Variants in EMG1 observed in about 807,000 individuals in gnomAD.
The protein encoded by EMG1 is EMG1 N1-specific pseudouridine methyltransferase.
In EMG1, 24 loss-of-function variants were observed where a neutral mutation model predicts 26.9. The ratio of observed to expected loss-of-function variants is 0.89; its 90% CI spans 0.65 to 1.26. The LOEUF is 1.26. Among genes scored for constraint, EMG1 ranks in the 50% most tolerant of loss-of-function variants. The pLI, the probability that EMG1 is intolerant of heterozygous loss-of-function variation, is 0.00. For synonymous variants in EMG1, 140 were observed against 112.6 expected (o/e 1.24, Z -1.54); for missense variants, 299 against 307.6 (o/e 0.97, Z 0.21).
At chr12:6,993,701 A>T (rs1555155766) in intron 7 of EMG1, among the ~76,000 whole-genome samples, 3 of 152,194 alleles carry the variant, frequency 2.0e-5, no homozygotes, top group Non-Finnish European at 4.4e-5. Flanking sequence ...TCCATGTTGT[A>T]GCATGTATCA....
In EMG1 at chr12:6,978,153, T is replaced by C. The variant is rs190255563; in HGVS notation, c.*2344T>C. 3 of 702,788 alleles carry C rather than the reference T, an allele frequency of 4.3e-6. No individual in the cohort carries two copies. The highest frequency in any genetic ancestry group is 1.8e-5 in the African/African-American group (1 of 54,830). 43.5% of individuals were successfully genotyped at this position (702,788 alleles called of 1,614,324 possible). A position where few individuals can be genotyped will look rare whatever the true frequency, so the allele number is the denominator to read the frequency against. ...ACGCACTTTTATATCTTGCCTTTTT[T>C]TCAAATATGACAGTAATGGTTTTTT... is the stretch of plus-strand genomic sequence containing the variant. On this transcript the variant is annotated 3_prime_UTR_variant, in exon 6 of 6. Coordinates refer to ENST00000599672, the MANE Select transcript of EMG1 (RefSeq NM_006331.8).
chr12:6,986,243 T>A (rs1565599905), intron 6 of EMG1, among the ~76,000 whole-genome samples: 1 of 152,148 alleles, frequency 6.6e-6, no homozygotes, highest in Non-Finnish European at 1.5e-5. Flanking sequence ...TTTCTCTTTC[T>A]CCTCCTCCTT....
chr12:6,979,502 G>T lies in EMG1; in HGVS notation c.*3693G>T. 4 of 1,613,898 alleles carry T rather than the reference G, an allele frequency of 2.5e-6. No individual in the cohort carries two copies. Among genetic ancestry groups the T allele is most frequent in the Non-Finnish European group, 3.4e-6 (4 of 1,179,756 alleles). ...GTCTTCAGTGAGGAGATAGTCTTCT[G>T]TGATGTGGGGGCTGAGCAGTGTGTA... On this transcript the variant is annotated 3_prime_UTR_variant, in exon 6 of 6. Transcript: ENST00000599672.
At chr12:6,996,798 C>A (rs1385379571) in intron 7 of EMG1, among the ~76,000 whole-genome samples, 2 of 152,186 alleles carry the variant, frequency 1.3e-5, no homozygotes, top group East Asian at 1.9e-4. Flanking sequence ...AAAGAGAAAT[C>A]AATCTCGACC....
chr12:6,982,673 T>C, downstream of EMG1: 1 of 1,606,378 alleles, frequency 6.2e-7, no homozygotes, highest in Non-Finnish European at 8.5e-7. Context: ...GAAAGACGTT[T>C]ACCATCTGGA....
Position 6,978,230 on chromosome 12 carries a change from C to T in EMG1, c.*2421C>T. On this transcript the variant is annotated 3_prime_UTR_variant, in exon 6 of 6. Transcript: ENST00000599672. The stretch of plus-strand genomic sequence containing the variant: ...AAGTCAGTGTGAGCGACAGGGGGTT[C>T]TGCCCAGATGGGAAAGACGCATAGG... 7.7e-7 allele frequency: 1 copy of T among 1,298,954 alleles called. No individual in the cohort carries two copies. The highest frequency in any genetic ancestry group is 1.1e-6 in the Non-Finnish European group (1 of 940,898). The allele number at this position is 1,298,954 out of a possible 1,614,324, so 80.5% of individuals were successfully genotyped here.
chr12:6,974,107 TCAGAC>T (rs1415456753), intron 1 of EMG1, among the ~76,000 whole-genome samples: 2 of 152,202 alleles, frequency 1.3e-5, no homozygotes, highest in Non-Finnish European at 2.9e-5. Context: ...TGTTTCCCTC[TCAGAC>T]CATTCACTGG....
chr12:6,975,438 A>G, intron 5 of EMG1, 60 bp downstream of exon 5: 1 of 1,498,186 alleles, frequency 6.7e-7, no homozygotes, highest in South Asian at 1.3e-5. Flanking sequence ...TAGAATTCCC[A>G]GAGCAGTAGG....
downstream of EMG1, chr12:6,981,507 C>G: frequency 7.5e-7 from 1 of 1,328,220 alleles, no homozygotes; most frequent in Non-Finnish European, 1.1e-6. Context: ...AGGCTCCGCT[C>G]TGGAATTTGG....
At chr12:6,983,558 A>T (rs1565598998), downstream of EMG1, 11 of 1,499,460 alleles carry the variant, frequency 7.3e-6, no homozygotes, top group Non-Finnish European at 9.3e-6. Context: ...GGGAAAAGAT[A>T]AGAAGAGTGT....
At chr12:6,982,440 G>A (rs920311352), downstream of EMG1, among the ~76,000 whole-genome samples, 1 of 152,240 alleles carries the variant, frequency 6.6e-6, no homozygotes, top group Non-Finnish European at 1.5e-5. Flanking sequence ...TAATGGCACA[G>A]TATGCAAAGG....
downstream of EMG1, chr12:6,982,019 A>G: frequency 1.5e-6 from 1 of 655,376 alleles, no homozygotes; most frequent in South Asian, 1.8e-5. Flanking sequence ...AAAAGCCTTA[A>G]TAAATTCCTA....
At chr12:6,982,667 G>A (rs1555154275), downstream of EMG1, 1 of 1,597,208 alleles carries the variant, frequency 6.3e-7, no homozygotes, top group African/African-American at 1.3e-5. Context: ...CTAAGGGAAA[G>A]ACGTTTACCA....
At chr12:6,993,414 C>T (rs763486338) in intron 7 of EMG1, among the ~76,000 whole-genome samples, 16 of 151,314 alleles carry the variant, frequency 1.1e-4, no homozygotes, top group Non-Finnish European at 8.8e-5. Context: ...AGCCTGGCAA[C>T]AGAGCGAGAC....
Position 6,977,388 on chromosome 12 carries a change from G to A in EMG1, c.*1579G>A, listed in dbSNP as rs781908140. 6.2e-7 allele frequency: 1 copy of A among 1,614,238 alleles called. No individual in the cohort carries two copies. Among genetic ancestry groups the A allele is most frequent in the Admixed American group, 1.7e-5 (1 of 60,028 alleles). ...TTGCCTTAAGCCATTTGTCCCACGT[G>A]AAGAGGCAGAAGGCAGTCATGGAGT... On this transcript the variant is annotated 3_prime_UTR_variant, in exon 6 of 6. Transcript: ENST00000599672. This position sits in a 1 kb window ranked among gnomAD's most constrained non-coding sequence, Gnocchi z 4.5.
chr12:6,971,567 T>C (rs1180309398), intron 1 of EMG1, among the ~76,000 whole-genome samples: 1 of 152,180 alleles, frequency 6.6e-6, no homozygotes, highest in Admixed American at 6.5e-5. Context: ...TGAGCCACTG[T>C]GCCCGGCCGG....
chr12:6,982,121 C>T (rs1303749675), downstream of EMG1, among the ~76,000 whole-genome samples: 1 of 152,068 alleles, frequency 6.6e-6, no homozygotes. Context: ...AATTTAGATG[C>T]TGGGACCACA....
At chr12:6,973,552 A>G (rs782331369) in intron 1 of EMG1, among the ~76,000 whole-genome samples, 2 of 151,816 alleles carry the variant, frequency 1.3e-5, no homozygotes, top group African/African-American at 4.8e-5. Flanking sequence ...CTGCATCATT[A>G]GTTTTCACAT....
chr12:6,987,111 CA>C lies in EMG1; in HGVS notation c.*155-661del, dbSNP rs56951656. Among the ~76,000 whole-genome samples, 5 of 145,000 alleles carry C rather than the reference CA, an allele frequency of 3.4e-5. No individual in the cohort carries two copies. The highest frequency in any genetic ancestry group is 7.5e-5 in the African/African-American group (3 of 40,084). On this transcript the variant is annotated intron_variant and NMD_transcript_variant, in intron 6 of 7. Transcript: ENST00000261406. This position sits in a 1 kb window ranked among gnomAD's most constrained non-coding sequence, Gnocchi z 4.1. ...TTGGGCAACGAGCAAGATTCTGTCT[CA>C]AAAAAAAAAGAAAAAAAAGTTTTAT...
Sources: gnomAD v4.1 joint callset for allele counts (sites outside exome capture counted in the v4.1 genomes callset) on GRCh38, gnomAD v4.1.1 for gene constraint, Gnocchi (gnomAD v3.1) non-coding constraint, MANE v1.5 for transcripts, NCBI Gene and HGNC (gene_info 2026-07-23, HGNC 2026-07-21) for gene names.